Variants in PET117 observed in about 807,000 individuals in gnomAD.
The protein encoded by PET117 is protein PET117 homolog, mitochondrial.
A neutral mutation model predicts 9.2 loss-of-function variants in PET117; 10 were observed. The ratio of observed to expected loss-of-function variants is 1.09; its 90% CI spans 0.67 to 1.85. The LOEUF (loss-of-function observed/expected upper bound fraction) is 1.85. Among genes scored for constraint, PET117 ranks in the 40% most tolerant of loss-of-function variants. The probability of loss-of-function intolerance (pLI) is 0.00; values close to 1 mark genes in which losing one functional copy is unlikely to be tolerated. For synonymous variants in PET117, 43 were observed against 37.1 expected (o/e 1.16, Z -0.57); for missense variants, 96 against 98.2 (o/e 0.98, Z 0.09).
Position 18,143,083 on chromosome 20 carries a change from G to C in PET117, c.*726G>C. On this transcript the variant is annotated 3_prime_UTR_variant, in exon 2 of 2. Coordinates refer to ENST00000432901, the MANE Select transcript of PET117 (RefSeq NM_001164811.2). ...ATTTATATAAAACATAGGCATGTTT[G>C]TACTAATGAAACGTACTGTCAACCT... 7.1e-7 allele frequency: 1 copy of C among 1,407,306 alleles called. No individual in the cohort carries two copies. The allele number at this position is 1,407,306 out of a possible 1,614,324, so 87.2% of individuals were successfully genotyped here. A position where few individuals can be genotyped will look rare whatever the true frequency, so the allele number is the denominator to read the frequency against.
chr20:18,139,829 C>T (rs2037461013), intron 1 of PET117, among the ~76,000 whole-genome samples: 1 of 152,152 alleles, frequency 6.6e-6, no homozygotes, highest in Admixed American at 6.5e-5. Flanking sequence ...TCCTGACCGT[C>T]TACCACATAC....
At chr20:18,138,781 C>T (rs1171562006) in intron 1 of PET117, among the ~76,000 whole-genome samples, 2 of 151,942 alleles carry the variant, frequency 1.3e-5, no homozygotes, top group Non-Finnish European at 2.9e-5. Flanking sequence ...TTCATATTTT[C>T]TTTCTTATTC....
chr20:18,141,756 C>T (rs558828764), intron 1 of PET117, among the ~76,000 whole-genome samples: 6 of 152,132 alleles, frequency 3.9e-5, no homozygotes, highest in East Asian at 1.9e-4. Context: ...TGGTGATGCA[C>T]GCCTGTAGTC....
chr20:18,143,114 A>C lies in PET117; in HGVS notation c.*757A>C. The stretch of plus-strand genomic sequence containing the variant: ...ATGAAACGTACTGTCAACCTCTATC[A>C]CATTGTTAAATTAACACTTTTGGTG... On this transcript the variant is annotated 3_prime_UTR_variant, in exon 2 of 2. Transcript: ENST00000432901. 1 of 1,338,194 alleles carries C rather than the reference A, an allele frequency of 7.5e-7. No individual in the cohort carries two copies. The highest frequency in any genetic ancestry group is 9.6e-7 in the Non-Finnish European group (1 of 1,041,652). 82.9% of individuals were successfully genotyped at this position (1,338,194 alleles called of 1,614,324 possible).
chr20:18,140,675 G>T, intron 1 of PET117, among the ~76,000 whole-genome samples: 1 of 151,786 alleles, frequency 6.6e-6, no homozygotes. Context: ...AGCCAGGCCT[G>T]GTGGCGCACG....
intron 1 of PET117, among the ~76,000 whole-genome samples, chr20:18,141,023 A>ATTTTTTTTTTTTTTTTTTTTTTT (rs67633205): frequency 8.2e-5 from 4 of 48,760 alleles, no homozygotes; most frequent in African/African-American, 1.1e-4. Context: ...ACTCCCTGCA[A>ATTTTTTTTTTTTTTTTTTTTTTT]TTTTTTTTTT....
At chr20:18,141,047 A>ATTTTTTAT (rs59461611) in intron 1 of PET117, among the ~76,000 whole-genome samples, 1 of 92,842 alleles carries the variant, frequency 1.1e-5, no homozygotes, top group Non-Finnish European at 1.9e-5. Flanking sequence ...TTTTTTTTTT[A>ATTTTTTAT]TTTTTATTTT....
chr20:18,142,579 C>A lies in PET117; in HGVS notation c.*222C>A. Reference sequence around the variant, plus strand: ...TTTGGAAGAGTCTGTCTGGGTGATCCTGGTAGAAGCCCCATTAGGGTCACT... The same window carrying A: ...TTTGGAAGAGTCTGTCTGGGTGATCATGGTAGAAGCCCCATTAGGGTCACT... On this transcript the variant is annotated 3_prime_UTR_variant, in exon 2 of 2. Coordinates refer to ENST00000432901, the MANE Select transcript of PET117 (RefSeq NM_001164811.2). 6.4e-7 allele frequency: 1 copy of A among 1,571,520 alleles called. No homozygotes were observed. The highest frequency in any genetic ancestry group is 8.6e-7 in the Non-Finnish European group (1 of 1,156,976).
chr20:18,138,525 T>A (rs1392173057), intron 1 of PET117: 1 of 896,134 alleles, frequency 1.1e-6, no homozygotes, highest in Non-Finnish European at 1.3e-6. Flanking sequence ...AAGCCTAATG[T>A]GTTTTACGTG....
Position 18,142,629 on chromosome 20 carries a change from A to T in PET117, c.*272A>T. ...TGTCCAGTGCTTAGGGTTGTTACTG[A>T]GAAGCACTGCCGAGCTTGTGAGAAG... On this transcript the variant is annotated 3_prime_UTR_variant, in exon 2 of 2. Transcript: ENST00000432901. The T allele has an allele frequency of 6.2e-7, 1 of 1,612,828 alleles. No homozygotes were observed. The highest frequency in any genetic ancestry group is 1.1e-5 in the South Asian group (1 of 90,962).
chr20:18,139,652 GTGTGTGTGTGTGTGTGTGTGTGTT>G (rs918384300), intron 1 of PET117, among the ~76,000 whole-genome samples: 3 of 144,290 alleles, frequency 2.1e-5, no homozygotes, highest in Admixed American at 7.1e-5. Flanking sequence ...GTGTGTGTGT[GTGTGTGTGTGTGTGTGTGTGTGTT>G]TATTTTTTTT....
intron 1 of PET117, chr20:18,138,503 A>G (rs1402567547): frequency 3.1e-6 from 3 of 973,542 alleles, no homozygotes; most frequent in South Asian, 9.5e-5. Context: ...TCCTGGCCCA[A>G]GGTTGGGGTT....
intron 1 of PET117, among the ~76,000 whole-genome samples, chr20:18,140,495 A>G (rs2037491043): frequency 6.6e-6 from 1 of 151,700 alleles, no homozygotes; most frequent in South Asian, 2.1e-4. Context: ...CATTAATTCT[A>G]CTCTATATAG....
At chr20:18,140,820 A>C (rs1408886095) in intron 1 of PET117, among the ~76,000 whole-genome samples, 1 of 144,406 alleles carries the variant, frequency 6.9e-6, no homozygotes, top group Non-Finnish European at 1.5e-5. Context: ...CTCCTTCTCA[A>C]AAAAAAAAAA....
At position 18,142,388 on chromosome 20, in the gene PET117, A is replaced by G. The variant is rs1275648891; in HGVS notation, c.*31A>G. ...ATGTGAAATATCTGTTGGACAGACA[A>G]CACGAGTTTGTGTGTGTGTGTTGAT... On this transcript the variant is annotated 3_prime_UTR_variant, in exon 2 of 2. Coordinates refer to ENST00000432901, the MANE Select transcript of PET117 (RefSeq NM_001164811.2). 2.0e-6 allele frequency: 3 copies of G among 1,526,924 alleles called. No homozygotes were observed. The highest frequency in any genetic ancestry group is 2.6e-6 in the Non-Finnish European group (3 of 1,139,878). The allele number at this position is 1,526,924 out of a possible 1,614,324, so 94.6% of individuals were successfully genotyped here.
intron 1 of PET117, among the ~76,000 whole-genome samples, chr20:18,139,968 G>A (rs1216918033): frequency 1.3e-5 from 2 of 152,176 alleles, no homozygotes; most frequent in Admixed American, 1.3e-4. Context: ...GAGGTCTTTA[G>A]TGATTAGTAA....
intron 1 of PET117, chr20:18,138,630 T>G (rs1442779620): frequency 9.7e-6 from 2 of 206,360 alleles, no homozygotes; most frequent in African/African-American, 4.7e-5. Flanking sequence ...TTTGCACTTC[T>G]CGTTTAAATG....
At position 18,142,723 on chromosome 20, in the gene PET117, A is replaced by G. The variant is rs760836622; in HGVS notation, c.*366A>G. ...GGCATGATGACGAAGCCACGAGAAC[A>G]TCGACCTCAGAAGGACTGGAGGAAG... On this transcript the variant is annotated 3_prime_UTR_variant, in exon 2 of 2. Transcript: ENST00000432901. The G allele has an allele frequency of 1.2e-6, 2 of 1,614,116 alleles. No individual in the cohort carries two copies. The highest frequency in any genetic ancestry group is 1.3e-5 in the African/African-American group (1 of 74,938).
rs572036161 is a variant in PET117, at chr20:18,142,819, C to T, written c.*462C>T. The T allele has an allele frequency of 1.6e-5, 26 of 1,614,022 alleles. No homozygotes were observed. Among genetic ancestry groups the T allele is most frequent in the Non-Finnish European group, 2.1e-5 (25 of 1,180,044 alleles). ...AGGCATCAGTGGACTTATCGCACGACCAGAGTGGGGATTCCCTCAACAGTG... is the reference window on the plus strand; with the variant it reads ...AGGCATCAGTGGACTTATCGCACGATCAGAGTGGGGATTCCCTCAACAGTG... On this transcript the variant is annotated 3_prime_UTR_variant, in exon 2 of 2. Coordinates refer to ENST00000432901, the MANE Select transcript of PET117 (RefSeq NM_001164811.2).
Sources: allele counts gnomAD v4.1 joint callset (sites outside exome capture counted in the v4.1 genomes callset), GRCh38; gene constraint gnomAD v4.1.1; transcripts MANE v1.5; gene names NCBI Gene and HGNC (gene_info 2026-07-23, HGNC 2026-07-21).